Variants in ATP10D observed in about 807,000 individuals in gnomAD.
ATP10D encodes the protein ATPase phospholipid transporting 10D (putative).
ATP10D carries 89 observed loss-of-function variants against 144.8 expected under a neutral mutation model. That is an observed-to-expected ratio of 0.61 (90% CI 0.52 to 0.73). The LOEUF (loss-of-function observed/expected upper bound fraction) is 0.73. Ranked by LOEUF, ATP10D falls within the 30% of genes least tolerant of loss-of-function variation. The probability of loss-of-function intolerance (pLI) is 0.00; values close to 1 mark genes in which losing one functional copy is unlikely to be tolerated. For missense variants in ATP10D, 1,603 were observed against 1,714.8 expected (o/e 0.93, Z 1.15); for synonymous variants, 571 against 615.1 (o/e 0.93, Z 1.06).
intron 9 of ATP10D, among the ~76,000 whole-genome samples, chr4:47,543,520 T>C (rs960360972): frequency 3.9e-5 from 6 of 152,158 alleles, no homozygotes; most frequent in Admixed American, 6.5e-5. Context: ...CACCCAGTTA[T>C]AACAAGCAAA....
chr4:47,532,009 T>C (rs1200189505), intron 5 of ATP10D, among the ~76,000 whole-genome samples: 1 of 152,206 alleles, frequency 6.6e-6, no homozygotes, highest in African/African-American at 2.4e-5. Flanking sequence ...GAGAACACTG[T>C]TGCCACAGAA....
chr4:47,539,172 A>C (rs1718005132), intron 9 of ATP10D, among the ~76,000 whole-genome samples: 1 of 152,162 alleles, frequency 6.6e-6, no homozygotes. Context: ...ATTATTATGA[A>C]TATTATGATT....
rs570265180 is a variant in ATP10D, at chr4:47,546,681, C to A, written c.1454C>A (p.Thr485Lys). 1.2e-6 allele frequency: 2 copies of A among 1,613,992 alleles called. No homozygotes were observed. The highest frequency in any genetic ancestry group is 1.7e-5 in the Admixed American group (1 of 60,008). ...AVSEDEDFID[T>K]VSGSLSNMAK... ...TCTGAAGATGAAGATTTTATAGACA[C>A]AGTCAGTGGTTCCCTCAGCAATATG... Residue 485 changes from threonine (T) to lysine (K), a missense_variant, in exon 10 of 23, where the codon ACA becomes AAA. Transcript: ENST00000273859.
At chr4:47,552,959 A>G (rs1387301444) in intron 10 of ATP10D, among the ~76,000 whole-genome samples, 2 of 152,168 alleles carry the variant, frequency 1.3e-5, no homozygotes, top group African/African-American at 2.4e-5. Flanking sequence ...ACTTTTCTTA[A>G]ACTTATTTCA....
Position 47,510,333 on chromosome 4 carries a change from G to T in ATP10D, c.-37-2171G>T, listed in dbSNP as rs558962394. Among the ~76,000 whole-genome samples, 5 of 152,176 alleles carry T rather than the reference G, an allele frequency of 3.3e-5. No individual in the cohort carries two copies. The South Asian group carries it at 1.0e-3, about 32-fold the overall frequency. On this transcript the variant is annotated intron_variant, in intron 1 of 22. Coordinates refer to ENST00000273859, the MANE Select transcript of ATP10D (RefSeq NM_020453.4). ...GAGAGACTCTTGTAGGCTCTAGAAG[G>T]GGGCCATGGAGGGCAGTGAGCCAGC... is the stretch of plus-strand genomic sequence containing the variant.
chr4:47,554,976 G>A (rs981901929), intron 11 of ATP10D, 62 bp downstream of exon 11: 1 of 1,381,852 alleles, frequency 7.2e-7, no homozygotes, highest in East Asian at 2.3e-5. Flanking sequence ...GGGTTTAAAT[G>A]TATCTGTACT....
Position 47,560,422 on chromosome 4 carries a change from G to A in ATP10D, c.2542-527G>A, listed in dbSNP as rs556858096. Among the ~76,000 whole-genome samples the A allele has an allele frequency of 1.5e-4, 23 of 151,612 alleles. 1 individual carries two copies. Among genetic ancestry groups the A allele is most frequent in the Middle Eastern group, 6.8e-3 (2 of 292 alleles). On this transcript the variant is annotated intron_variant, in intron 13 of 22. Transcript: ENST00000273859. ...GGAGAATGGCGTGAACCTGGGAGGC[G>A]GAGCTTGTAGTGAGCCGAGATCAGG...
intron 1 of ATP10D, among the ~76,000 whole-genome samples, chr4:47,500,840 T>C (rs1243667607): frequency 1.3e-5 from 2 of 152,124 alleles, no homozygotes; most frequent in Non-Finnish European, 2.9e-5. Context: ...GAGGGAGATA[T>C]TGGATGTAAA....
intron 1 of ATP10D, among the ~76,000 whole-genome samples, chr4:47,510,568 AG>A (rs1716270592): frequency 6.6e-6 from 1 of 152,174 alleles, no homozygotes. Context: ...GGAAAGATGT[AG>A]TTCTTGTCTG....
intron 11 of ATP10D, among the ~76,000 whole-genome samples, chr4:47,555,815 G>T (rs577083064): frequency 6.6e-6 from 1 of 151,260 alleles, no homozygotes; most frequent in Admixed American, 6.6e-5. Context: ...GCGCAGTGGC[G>T]TGATCTCAGC....
At chr4:47,539,922 A>G (rs1718050680) in intron 9 of ATP10D, among the ~76,000 whole-genome samples, 1 of 152,206 alleles carries the variant, frequency 6.6e-6, no homozygotes, top group Non-Finnish European at 1.5e-5. Context: ...CTCCTCACAC[A>G]GAAAAGATAC....
At chr4:47,549,835 AGGAAAGGCATTT>A (rs1718634152) in intron 10 of ATP10D, among the ~76,000 whole-genome samples, 1 of 152,236 alleles carries the variant, frequency 6.6e-6, no homozygotes, top group Non-Finnish European at 1.5e-5. Context: ...TGGAAAAGGA[AGGAAAGGCATTT>A]GGAGCTGACA....
At chr4:47,567,921 C>T (rs905668674) in intron 15 of ATP10D, among the ~76,000 whole-genome samples, 4 of 152,212 alleles carry the variant, frequency 2.6e-5, no homozygotes, top group Admixed American at 2.0e-4. Context: ...CACGAATAAA[C>T]TATTTCAGAC....
Position 47,535,616 on chromosome 4 carries a change from G to T in ATP10D, c.883+1G>T. ...GTTGTGGGCATTGTGGTTTATGCAG[G>T]TCGGTTATGTTTCTAATTTTCATTG... On this transcript the variant is annotated splice_donor_variant, in intron 6 of 22. Coordinates refer to ENST00000273859, the MANE Select transcript of ATP10D (RefSeq NM_020453.4). LOFTEE classifies it high-confidence loss of function. 1 of 1,605,134 alleles carries T rather than the reference G, an allele frequency of 6.2e-7. No homozygotes were observed. Among genetic ancestry groups the T allele is most frequent in the Non-Finnish European group, 8.5e-7 (1 of 1,177,000 alleles).
At chr4:47,547,546 G>T (rs910565631) in intron 10 of ATP10D, 1 of 152,200 alleles carries the variant, frequency 6.6e-6, no homozygotes, top group African/African-American at 2.4e-5. Context: ...AAAATTACCT[G>T]TATAAAAGTT....
rs762060827 is a variant in ATP10D, at chr4:47,554,915, G to A, written c.1824+1G>A. ...TGCTCCTAACCAACCCCGACAAAAG[G>A]TGAGTAAGTTCTCTAATGCAAACAA... On this transcript the variant is annotated splice_donor_variant, in intron 11 of 22. Coordinates refer to ENST00000273859, the MANE Select transcript of ATP10D (RefSeq NM_020453.4). LOFTEE classifies it high-confidence loss of function. 11 of 1,613,164 alleles carry A rather than the reference G, an allele frequency of 6.8e-6. No homozygotes were observed. The highest frequency in any genetic ancestry group is 1.1e-5 in the South Asian group (1 of 90,970).
At chr4:47,526,506 T>C (rs986422878) in intron 5 of ATP10D, among the ~76,000 whole-genome samples, 5 of 152,122 alleles carry the variant, frequency 3.3e-5, no homozygotes, top group South Asian at 4.1e-4. Context: ...CAAGACAAGC[T>C]TACACTGGAA....
chr4:47,491,073 C>A (rs1577601363), intron 1 of ATP10D: 2 of 726,572 alleles, frequency 2.8e-6, no homozygotes, highest in African/African-American at 3.5e-5. Flanking sequence ...GTGGAGCAGG[C>A]TGGTGCTTCA....
chr4:47,572,092 C>T, intron 16 of ATP10D, 62 bp from the exon 17 acceptor site: 1 of 1,473,890 alleles, frequency 6.8e-7, no homozygotes, highest in South Asian at 1.2e-5. Flanking sequence ...TATTGATTTG[C>T]AACATTTACA....
Sources: gnomAD v4.1 joint callset for allele counts (sites outside exome capture counted in the v4.1 genomes callset) on GRCh38, gnomAD v4.1.1 for gene constraint, MANE v1.5 for transcripts, NCBI Gene and HGNC (gene_info 2026-07-23, HGNC 2026-07-21) for gene names.